Variants in PABPC4L observed in about 807,000 individuals in gnomAD.
PABPC4L encodes polyadenylate-binding protein 4-like.
For synonymous variants in PABPC4L, 169 were observed against 164.1 expected (o/e 1.03, Z -0.23); for missense variants, 452 against 451.4 (o/e 1.00, Z -0.01).
the PABPC4L span, among the ~76,000 whole-genome samples, chr4:134,056,996 T>C: frequency 2.0e-5 from 3 of 152,130 alleles, no homozygotes; most frequent in African/African-American, 7.2e-5. Flanking sequence ...CTTTCATCAT[T>C]AAGTATAACA....
At chr4:134,071,742 TA>T in the PABPC4L span, among the ~76,000 whole-genome samples, 1 of 152,230 alleles carries the variant, frequency 6.6e-6, no homozygotes, top group Admixed American at 6.5e-5. Flanking sequence ...ATACAGTAAA[TA>T]ATTTAAAATA....
the PABPC4L span, among the ~76,000 whole-genome samples, chr4:134,126,804 C>T: frequency 2.6e-4 from 40 of 152,264 alleles, no homozygotes; most frequent in Non-Finnish European, 4.9e-4. Flanking sequence ...TAGATTTCCA[C>T]TGCAGGCTCT....
the PABPC4L span, among the ~76,000 whole-genome samples, chr4:134,099,012 A>T: frequency 1.3e-5 from 2 of 151,682 alleles, no homozygotes; most frequent in African/African-American, 4.8e-5. Context: ...GTTTAGAAAG[A>T]AGAAAGGGAA....
At chr4:134,041,430 A>G in the PABPC4L span, among the ~76,000 whole-genome samples, 6 of 152,196 alleles carry the variant, frequency 3.9e-5, 1 homozygote, top group Middle Eastern at 3.4e-3. Context: ...CTTTGCAGGG[A>G]CATGGATGAA....
At chr4:133,975,119 A>C in the PABPC4L span, among the ~76,000 whole-genome samples, 2 of 152,258 alleles carry the variant, frequency 1.3e-5, no homozygotes, top group East Asian at 1.9e-4. Flanking sequence ...TGAAAATTGG[A>C]TCAACAAAAT....
the PABPC4L span, among the ~76,000 whole-genome samples, chr4:134,090,137 G>A: frequency 6.6e-6 from 1 of 151,916 alleles, no homozygotes; most frequent in South Asian, 2.1e-4. Context: ...TCATCCCAAC[G>A]GTTCTGCATG....
the PABPC4L span, among the ~76,000 whole-genome samples, chr4:134,128,785 C>A: frequency 6.6e-6 from 1 of 152,024 alleles, no homozygotes; most frequent in Admixed American, 6.6e-5. Context: ...GGTATTCAGG[C>A]AACAAATAAC....
At chr4:134,143,225 ATAT>A in the PABPC4L span, among the ~76,000 whole-genome samples, 1 of 150,774 alleles carries the variant, frequency 6.6e-6, no homozygotes, top group Non-Finnish European at 1.5e-5. Flanking sequence ...TACATTGTAG[ATAT>A]TATTGAGAAG....
chr4:134,071,838 T>G, the PABPC4L span, among the ~76,000 whole-genome samples: 3 of 152,152 alleles, frequency 2.0e-5, no homozygotes, highest in African/African-American at 7.2e-5. Context: ...TTAAGAATAA[T>G]GAAGATAACT....
the PABPC4L span, among the ~76,000 whole-genome samples, chr4:134,114,808 TAA>T: frequency 6.6e-6 from 1 of 151,950 alleles, no homozygotes; most frequent in Non-Finnish European, 1.5e-5. Flanking sequence ...TTGATCTTAT[TAA>T]AGTTACACCA....
the PABPC4L span, among the ~76,000 whole-genome samples, chr4:133,994,410 G>T: frequency 4.6e-5 from 7 of 152,108 alleles, no homozygotes; most frequent in Admixed American, 1.3e-4. Context: ...AATAGGTCCT[G>T]TCCCCAAATA....
At chr4:134,189,312 CTCTTCA>C in the PABPC4L span, among the ~76,000 whole-genome samples, 156 of 81,146 alleles carry the variant, frequency 1.9e-3, no homozygotes, top group Admixed American at 3.2e-3. Flanking sequence ...CTTGCTGTAT[CTCTTCA>C]AATTGCATTT....
the PABPC4L span, among the ~76,000 whole-genome samples, chr4:133,994,710 A>G: frequency 1.3e-5 from 2 of 152,168 alleles, no homozygotes; most frequent in Non-Finnish European, 2.9e-5. Flanking sequence ...CCGTGCTTCC[A>G]AAACTTCCCT....
the PABPC4L span, among the ~76,000 whole-genome samples, chr4:134,114,509 C>T: frequency 6.6e-6 from 1 of 151,678 alleles, no homozygotes; most frequent in Non-Finnish European, 1.5e-5. Context: ...AAGATTGTAC[C>T]TCCGTAATAC....
the PABPC4L span, among the ~76,000 whole-genome samples, chr4:133,956,799 C>G: frequency 6.6e-6 from 1 of 152,166 alleles, no homozygotes; most frequent in Non-Finnish European, 1.5e-5. Flanking sequence ...AAGGCACCTT[C>G]TTCACAGAGC....
the PABPC4L span, among the ~76,000 whole-genome samples, chr4:134,114,296 T>C: frequency 1.3e-5 from 2 of 151,650 alleles, no homozygotes; most frequent in Non-Finnish European, 1.5e-5. Flanking sequence ...ATGATAAATA[T>C]AAATACTGGC....
At chr4:134,163,252 A>T in the PABPC4L span, among the ~76,000 whole-genome samples, 1 of 152,112 alleles carries the variant, frequency 6.6e-6, no homozygotes, top group African/African-American at 2.4e-5. Flanking sequence ...AAACTAGACC[A>T]TCTATACTAA....
At chr4:134,090,576 G>A in the PABPC4L span, among the ~76,000 whole-genome samples, 1,918 of 151,976 alleles carry the variant, frequency 0.013, 42 homozygotes, top group African/African-American at 0.041. Flanking sequence ...ACCAGCCGAG[G>A]CAACATAGCG....
At chr4:134,135,036 C>A in the PABPC4L span, among the ~76,000 whole-genome samples, 8 of 151,928 alleles carry the variant, frequency 5.3e-5, no homozygotes, top group Admixed American at 6.6e-5. Flanking sequence ...CGAGAACTAG[C>A]GAATTAATAC....
Sources: gnomAD v4.1 joint callset for allele counts (sites outside exome capture counted in the v4.1 genomes callset) on GRCh38, gnomAD v4.1.1 for gene constraint, MANE v1.5 for transcripts, NCBI Gene and HGNC (gene_info 2026-07-23, HGNC 2026-07-21) for gene names.